The following NOP58 variants were observed in gnomAD, a reference collection of about 807,000 sequenced individuals.
NOP58 encodes the protein NOP58 ribonucleoprotein, also known as nucleolar protein 58.
A neutral mutation model predicts 71.2 loss-of-function variants in NOP58; 44 were observed. The observed-to-expected ratio is 0.62, with a 90% CI of 0.49 to 0.79. The LOEUF is 0.79. Ranked by LOEUF, NOP58 falls within the 30% of genes least tolerant of loss-of-function variation. NOP58 has a pLI of 0.00. For missense variants in NOP58, 538 were observed against 620.2 expected, an observed-to-expected ratio of 0.87 and a Z score of 1.41; for synonymous variants, 228 against 200.3, an observed-to-expected ratio of 1.14 and a Z score of -1.17.
At chr2:202,282,572 C>G (rs1379624511) in intron 4 of NOP58, 100 bp downstream of exon 4, 1 of 1,228,402 alleles carries the variant, frequency 8.1e-7, no homozygotes, top group Non-Finnish European at 1.1e-6. Context: ...CATAAATTCT[C>G]AATACATTTT....
Position 202,282,423 on chromosome 2 carries a change from C to G in NOP58, c.248C>G (p.Ala83Gly). Reference protein sequence around the residue: ...KKVLKKIVKEAHEPLAVADAK... With the variant: ...KKVLKKIVKEGHEPLAVADAK... ...GTTCTGAAGAAAATAGTAAAAGAAGCCCATGAACCGCTGGCAGTAGCTGAT... is the reference window on the plus strand; with the variant it reads ...GTTCTGAAGAAAATAGTAAAAGAAGGCCATGAACCGCTGGCAGTAGCTGAT... The change falls in exon 4 of 15, where the codon GCC becomes GGC. Residue 83 changes from alanine (A) to glycine (G), a missense_variant. Coordinates refer to ENST00000264279, the MANE Select transcript of NOP58 (RefSeq NM_015934.5). The G allele has an allele frequency of 6.2e-7, 1 of 1,613,500 alleles. No homozygotes were observed. The highest frequency in any genetic ancestry group is 8.5e-7 in the Non-Finnish European group (1 of 1,179,842).
intron 12 of NOP58, among the ~76,000 whole-genome samples, chr2:202,299,082 C>G (rs543036661): frequency 6.6e-6 from 1 of 151,220 alleles, no homozygotes; most frequent in African/African-American, 2.4e-5. Context: ...GCCTCAGCCT[C>G]CCGAGTAGCT....
chr2:202,295,290 A>T (rs889541256), intron 9 of NOP58, among the ~76,000 whole-genome samples: 3 of 152,234 alleles, frequency 2.0e-5, no homozygotes, highest in African/African-American at 7.2e-5. Flanking sequence ...AGGCTTTTTC[A>T]TATCTAAAGC....
rs1228056500 is a variant in NOP58 at position 202,297,833 on chromosome 2, T to C, written c.1207-12T>C. 4.0e-6 allele frequency: 6 copies of C among 1,501,986 alleles called. No individual in the cohort carries two copies. Among genetic ancestry groups the C allele is most frequent in the Non-Finnish European group, 5.5e-6 (6 of 1,098,454 alleles). 93.0% of individuals were successfully genotyped at this position (1,501,986 alleles called of 1,614,324 possible). A position where few individuals can be genotyped will look rare whatever the true frequency, so the allele number is the denominator to read the frequency against. ...TTAGAAGTGTATTTGTAATTTTTCG[T>C]TTTCTTCTTAGATAAGAAAAATAAG... On this transcript the variant is annotated splice_polypyrimidine_tract_variant and intron_variant, in intron 11 of 14. Transcript: ENST00000264279.
Position 202,302,946 on chromosome 2 carries a change from G to A in NOP58, c.1428G>A (p.Val476=), listed in dbSNP as rs368580913. Residue 476 remains valine (V), a synonymous_variant, in exon 14 of 15, where the codon GTG becomes GTA. Transcript: ENST00000264279. ...TTGAAGAAGAGGAAGAAGAAAAAGT[G>A]GCAGAAGAAGAAGAAACATCTGTGA... ...VKVEEEEEEK[V]AEEEETSVKK... 27 of 1,605,468 alleles carry A rather than the reference G, an allele frequency of 1.7e-5. No homozygotes were observed. Among genetic ancestry groups the A allele is most frequent in the Non-Finnish European group, 2.3e-5 (27 of 1,178,472 alleles).
At chr2:202,296,968 C>T (rs1406857611) in intron 10 of NOP58, among the ~76,000 whole-genome samples, 3 of 152,094 alleles carry the variant, frequency 2.0e-5, no homozygotes, top group African/African-American at 2.4e-5. Context: ...CTCCTGACCT[C>T]GTGATCCACT....
At chr2:202,267,279 CA>C (rs1688433619) in intron 1 of NOP58, among the ~76,000 whole-genome samples, 1 of 151,984 alleles carries the variant, frequency 6.6e-6, no homozygotes, top group South Asian at 2.1e-4. Context: ...AGCTATGAAC[CA>C]AAAAACCATT....
intron 1 of NOP58, among the ~76,000 whole-genome samples, chr2:202,271,042 T>C (rs933160305): frequency 6.6e-6 from 1 of 150,986 alleles, no homozygotes; most frequent in Non-Finnish European, 1.5e-5. Flanking sequence ...AGACCGCGCC[T>C]CTGCACTCCC....
chr2:202,298,223 T>A (rs1689029136), intron 12 of NOP58, among the ~76,000 whole-genome samples: 1 of 152,246 alleles, frequency 6.6e-6, no homozygotes, highest in Non-Finnish European at 1.5e-5. Context: ...ACCCCTAATT[T>A]TTTTCCATGC....
intron 9 of NOP58, among the ~76,000 whole-genome samples, chr2:202,294,354 AAG>A (rs1491273731): frequency 1.3e-5 from 2 of 150,506 alleles, no homozygotes. Context: ...AAAAAAAAAA[AAG>A]AACTATGTAT....
intron 4 of NOP58, among the ~76,000 whole-genome samples, chr2:202,282,710 TCTG>T (rs1382149454): frequency 6.6e-6 from 1 of 152,200 alleles, no homozygotes. Flanking sequence ...CTTTAACAAA[TCTG>T]CTACCCATAT....
At chr2:202,299,244 C>T (rs1459893946) in intron 12 of NOP58, among the ~76,000 whole-genome samples, 1 of 152,128 alleles carries the variant, frequency 6.6e-6, no homozygotes, top group Non-Finnish European at 1.5e-5. Flanking sequence ...AGGCGTGAGC[C>T]ACAGCACCCG....
intron 1 of NOP58, among the ~76,000 whole-genome samples, chr2:202,270,238 T>C (rs903676433): frequency 6.6e-6 from 1 of 152,232 alleles, no homozygotes; most frequent in African/African-American, 2.4e-5. Context: ...TAATTTTTTC[T>C]AGAAGTTTCA....
At chr2:202,276,211 G>C (rs1029870775) in intron 2 of NOP58, among the ~76,000 whole-genome samples, 4 of 151,890 alleles carry the variant, frequency 2.6e-5, no homozygotes, top group Non-Finnish European at 5.9e-5. Flanking sequence ...GGTGGCACAT[G>C]CCTGTAATCC....
Position 202,287,648 on chromosome 2 carries a change from CT to C in NOP58, c.435-9del. Reference sequence around the variant, plus strand: ...TGCTATCTTGCTAATTTATTTTCCCCTTTCTTCCCAGCCTGTCTCGATATAG... The same window carrying C: ...TGCTATCTTGCTAATTTATTTTCCCCTTCTTCCCAGCCTGTCTCGATATAG... On this transcript the variant is annotated splice_polypyrimidine_tract_variant and intron_variant, in intron 5 of 14. Coordinates refer to ENST00000264279, the MANE Select transcript of NOP58 (RefSeq NM_015934.5). 1 of 1,606,042 alleles carries C rather than the reference CT, an allele frequency of 6.2e-7. No homozygotes were observed. Among genetic ancestry groups the C allele is most frequent in the Non-Finnish European group, 8.5e-7 (1 of 1,172,940 alleles).
At chr2:202,268,647 T>C (rs1474689747) in intron 1 of NOP58, among the ~76,000 whole-genome samples, 2 of 151,390 alleles carry the variant, frequency 1.3e-5, no homozygotes, top group Non-Finnish European at 2.9e-5. Flanking sequence ...GTTTCACTCT[T>C]GTTGCCCAGG....
At chr2:202,277,427 G>C (rs1472350663) in intron 2 of NOP58, among the ~76,000 whole-genome samples, 1 of 151,722 alleles carries the variant, frequency 6.6e-6, no homozygotes. Context: ...GCAGTGAGCC[G>C]AGATCGCACC....
At chr2:202,298,952 ATTTTTTTTTTTT>A (rs3043921) in intron 12 of NOP58, among the ~76,000 whole-genome samples, 16 of 81,436 alleles carry the variant, frequency 2.0e-4, no homozygotes, top group African/African-American at 3.8e-4. Flanking sequence ...ATCCTTCAAG[ATTTTTTTTTTTT>A]TTTTTTTTTT....
rs71031885 is a variant in NOP58 at position 202,302,083 on chromosome 2, C to CTT, written c.1403-817_1403-816dup. On this transcript the variant is annotated intron_variant, in intron 13 of 14. Coordinates refer to ENST00000264279, the MANE Select transcript of NOP58 (RefSeq NM_015934.5). ...TCTCTTTTCTTTTTCTTTTTTTTTT[C>CTT]TTTTTTTTTTTTTTTTTTTTTTGAG... Among the ~76,000 whole-genome samples the CTT allele has an allele frequency of 7.4e-3, 667 of 90,558 alleles. 3 individuals are homozygous for CTT. The highest frequency in any genetic ancestry group is 0.011 in the East Asian group (36 of 3,250). 59.4% of individuals were successfully genotyped at this position (90,558 alleles called of 152,430 possible).
Sources: allele counts gnomAD v4.1 joint callset (sites outside exome capture counted in the v4.1 genomes callset), GRCh38; gene constraint gnomAD v4.1.1; transcripts MANE v1.5; gene names NCBI Gene and HGNC (gene_info 2026-07-23, HGNC 2026-07-21).